PCDHA11: variants seen among roughly 807,000 people sequenced by gnomAD.
PCDHA11 encodes protocadherin alpha 11, also known as protocadherin alpha-11.
Under a neutral mutation model 70.3 loss-of-function variants are expected in PCDHA11, and 61 were observed. That is an observed-to-expected ratio of 0.87 (90% CI 0.71 to 1.07). PCDHA11 has a LOEUF of 1.07. PCDHA11 is among the 50% of genes least tolerant of loss of function. The pLI is 0.00. For synonymous variants in PCDHA11, 633 were observed against 555.1 expected, an observed-to-expected ratio of 1.14 and a Z score of -1.97; for missense variants, 1,324 against 1,237.5, an observed-to-expected ratio of 1.07 and a Z score of -1.05.
chr5:140,883,950 A>G (rs373518493), intron 1 of PCDHA11: 3 of 1,613,288 alleles, frequency 1.9e-6, no homozygotes, highest in South Asian at 1.1e-5. Flanking sequence ...GAGAACGACA[A>G]CGCTCCGGCG....
At chr5:140,877,096 G>T in intron 1 of PCDHA11, 3 of 1,613,378 alleles carry the variant, frequency 1.9e-6, no homozygotes, top group Non-Finnish European at 2.5e-6. Context: ...CGACGCCGGC[G>T]TGCCGCCTCT....
intron 1 of PCDHA11, among the ~76,000 whole-genome samples, chr5:140,957,748 G>T (rs2095381433): frequency 6.6e-6 from 1 of 152,080 alleles, no homozygotes; most frequent in South Asian, 2.1e-4. Context: ...GACATGAAAG[G>T]ATGTTCATTA....
intron 3 of PCDHA11, among the ~76,000 whole-genome samples, chr5:140,995,405 T>G (rs1203404732): frequency 2.6e-5 from 4 of 152,154 alleles, no homozygotes; most frequent in African/African-American, 9.7e-5. Context: ...TGGCTCGAGA[T>G]TTCATCACAT....
At chr5:141,000,080 G>C (rs1554257118) in intron 3 of PCDHA11, among the ~76,000 whole-genome samples, 1 of 152,068 alleles carries the variant, frequency 6.6e-6, no homozygotes, top group Non-Finnish European at 1.5e-5. Flanking sequence ...ACAATGCTAG[G>C]CCTGTGAATG....
chr5:140,909,771 C>T (rs907087409), intron 1 of PCDHA11, among the ~76,000 whole-genome samples: 49 of 152,200 alleles, frequency 3.2e-4, no homozygotes, highest in African/African-American at 1.1e-3. Flanking sequence ...TCCAGGGACC[C>T]ACTGGACCCA....
chr5:140,959,382 A>C (rs1332960560), intron 1 of PCDHA11, among the ~76,000 whole-genome samples: 1 of 152,200 alleles, frequency 6.6e-6, no homozygotes, highest in African/African-American at 2.4e-5. Flanking sequence ...TCAAAAAAAA[A>C]AGTCACAAAT....
At chr5:140,897,188 A>AT (rs1353420094) in intron 1 of PCDHA11, among the ~76,000 whole-genome samples, 5 of 152,104 alleles carry the variant, frequency 3.3e-5, no homozygotes, top group African/African-American at 7.2e-5. Flanking sequence ...CAAAAAATAT[A>AT]TTTTTTTATT....
intron 1 of PCDHA11, among the ~76,000 whole-genome samples, chr5:140,890,014 A>G (rs1402612271): frequency 6.6e-6 from 1 of 152,148 alleles, no homozygotes; most frequent in African/African-American, 2.4e-5. Flanking sequence ...TGCCAGAAAA[A>G]TGTAGAAGGC....
chr5:141,001,359 T>C (rs186629026), intron 3 of PCDHA11, among the ~76,000 whole-genome samples: 4 of 152,344 alleles, frequency 2.6e-5, no homozygotes, highest in Admixed American at 1.3e-4. Context: ...GGTTTAAGCC[T>C]ACTATTCTGA....
At chr5:140,879,483 T>C (rs2153367251) in intron 1 of PCDHA11, among the ~76,000 whole-genome samples, 1 of 152,292 alleles carries the variant, frequency 6.6e-6, no homozygotes, top group Non-Finnish European at 1.5e-5. Context: ...TGATTGGAAA[T>C]ATGGGTCTGG....
chr5:140,921,888 A>G (rs1430604991), intron 1 of PCDHA11, among the ~76,000 whole-genome samples: 8 of 152,090 alleles, frequency 5.3e-5, no homozygotes, highest in African/African-American at 1.9e-4. Context: ...AGATTTTAGA[A>G]AGGAGGATAA....
At chr5:140,883,138 A>G (rs967946520) in intron 1 of PCDHA11, 3 of 1,614,120 alleles carry the variant, frequency 1.9e-6, no homozygotes, top group Non-Finnish European at 2.5e-6. Flanking sequence ...CTGCAGTGGT[A>G]TATGCATTTA....
Position 140,869,765 on chromosome 5 carries a change from A to G in PCDHA11, c.662A>G (p.Glu221Gly). 1 of 1,613,282 alleles carries G rather than the reference A, an allele frequency of 6.2e-7. No individual in the cohort carries two copies. The highest frequency in any genetic ancestry group is 8.5e-7 in the Non-Finnish European group (1 of 1,179,742). Residue 221 changes from glutamate to glycine, a missense_variant, in exon 1 of 4, where the codon GAG becomes GGG. Coordinates refer to ENST00000398640, the MANE Select transcript of PCDHA11 (RefSeq NM_018902.5). ...LLTATDGGKPELTGTVRLLVQ... is the reference protein window; with the variant it reads ...LLTATDGGKPGLTGTVRLLVQ... ...ACAGCTACAGACGGGGGAAAACCAGAGCTTACTGGCACCGTTCGGCTGTTA... is the reference window on the plus strand; with the variant it reads ...ACAGCTACAGACGGGGGAAAACCAGGGCTTACTGGCACCGTTCGGCTGTTA...
chr5:140,918,989 GTGT>G (rs2078966617), intron 1 of PCDHA11, among the ~76,000 whole-genome samples: 1 of 152,178 alleles, frequency 6.6e-6, no homozygotes, highest in Non-Finnish European at 1.5e-5. Context: ...TTGGTTTTTA[GTGT>G]TGTTCACATC....
At chr5:140,925,505 C>T (rs528944783) in intron 1 of PCDHA11, among the ~76,000 whole-genome samples, 5 of 151,936 alleles carry the variant, frequency 3.3e-5, no homozygotes, top group African/African-American at 4.8e-5. Context: ...CCAATATCCA[C>T]GCAAAAGACC....
At chr5:140,879,960 C>T (rs781917048) in intron 1 of PCDHA11, among the ~76,000 whole-genome samples, 3 of 152,168 alleles carry the variant, frequency 2.0e-5, no homozygotes, top group Non-Finnish European at 4.4e-5. Flanking sequence ...TCTGGATAAT[C>T]CAGGATAAAC....
chr5:140,877,120 A>G (rs782093528), intron 1 of PCDHA11: 4 of 1,613,684 alleles, frequency 2.5e-6, no homozygotes, highest in East Asian at 4.5e-5. Context: ...CAGCAACGTG[A>G]CGCTGCAGGT....
chr5:141,000,421 A>AT lies in PCDHA11; in HGVS notation c.2540-9183dup, dbSNP rs34755515. Reference sequence around the variant, plus strand: ...TATATATATATATATATATATATATATTTTTTTTTTTTTTTTTTTTTTTGA... The same window carrying AT: ...TATATATATATATATATATATATATATTTTTTTTTTTTTTTTTTTTTTTTGA... On this transcript the variant is annotated intron_variant, in intron 3 of 3. Transcript: ENST00000398640. 8.6e-3 allele frequency among the ~76,000 whole-genome samples: 241 copies of AT among 27,996 alleles called. 11 individuals carry two copies. The highest frequency in any genetic ancestry group is 9.4e-3 in the African/African-American group (53 of 5,644). The allele number at this position is 27,996 out of a possible 152,430, so 18.4% of individuals were successfully genotyped here.
intron 2 of PCDHA11, among the ~76,000 whole-genome samples, chr5:140,980,840 A>G (rs1248070793): frequency 1.3e-5 from 2 of 152,200 alleles, no homozygotes; most frequent in African/African-American, 4.8e-5. Context: ...GAACCTAAAT[A>G]ATACTAATCT....
Sources: allele counts gnomAD v4.1 joint callset (sites outside exome capture counted in the v4.1 genomes callset), GRCh38; gene constraint gnomAD v4.1.1; transcripts MANE v1.5; gene names NCBI Gene and HGNC (gene_info 2026-07-23, HGNC 2026-07-21).